The following DAB1 variants were observed in gnomAD, a reference collection of about 807,000 sequenced individuals.
DAB1 encodes disabled homolog 1.
In DAB1, 15 loss-of-function variants were observed where a neutral mutation model predicts 64.6. The ratio of observed to expected loss-of-function variants is 0.23; its 90% CI spans 0.16 to 0.36. DAB1 has a LOEUF of 0.36. Ranked by LOEUF, DAB1 falls within the 10% of genes least tolerant of loss-of-function variation. The pLI, the probability that DAB1 is intolerant of heterozygous loss-of-function variation, is 1.00. For missense variants in DAB1, 596 were observed against 706.7 expected (o/e 0.84, Z 1.78); for synonymous variants, 235 against 251.9 (o/e 0.93, Z 0.64).
intron 4 of DAB1, among the ~76,000 whole-genome samples, chr1:58,266,119 T>C (rs949069308): frequency 6.6e-6 from 1 of 151,638 alleles, no homozygotes; most frequent in Non-Finnish European, 1.5e-5. Flanking sequence ...AATGTGAGCT[T>C]GACAGGGCTA....
intron 5 of DAB1, among the ~76,000 whole-genome samples, chr1:57,939,179 C>G (rs945056735): frequency 6.6e-6 from 1 of 152,074 alleles, no homozygotes; most frequent in Non-Finnish European, 1.5e-5. Context: ...CATATTCTCA[C>G]ATGGCAGAGA....
In DAB1 at chr1:57,438,299, T is replaced by C. The variant is rs549581264; in HGVS notation, n.626-147133A>G. 8.5e-5 allele frequency among the ~76,000 whole-genome samples: 13 copies of C among 152,246 alleles called. No individual in the cohort carries two copies. In the South Asian group the frequency reaches 2.7e-3, roughly 32 times the overall value. Reference sequence around the variant, plus strand: ...TTCCCTCAGTGTGATTCCTGTTAAATGCAAGGCGTTCATACTGAGAGCTAG... The same window carrying C: ...TTCCCTCAGTGTGATTCCTGTTAAACGCAAGGCGTTCATACTGAGAGCTAG... On this transcript the variant is annotated intron_variant and non_coding_transcript_variant, in intron 7 of 20. Coordinates refer to the DAB1 transcript ENST00000485760.
chr1:57,147,785 A>C lies in DAB1; in HGVS notation c.68-2356T>G, dbSNP rs1241329251. ...AGCATATTATATGCATCAACTTGTT[A>C]AGTCCAGAAAATAATTGTAGAGGTA... On this transcript the variant is annotated intron_variant, in intron 2 of 14. Coordinates refer to ENST00000371236, the MANE Select transcript of DAB1 (RefSeq NM_001365792.1). Among the ~76,000 whole-genome samples, 5 of 152,308 alleles carry C rather than the reference A, an allele frequency of 3.3e-5. No individual in the cohort carries two copies. The East Asian group carries it at 7.7e-4, about 23-fold the overall frequency.
chr1:58,081,352 G>GT (rs1649985682), intron 5 of DAB1, among the ~76,000 whole-genome samples: 1 of 152,174 alleles, frequency 6.6e-6, no homozygotes, highest in Admixed American at 6.5e-5. Context: ...TCTTTGTTTT[G>GT]TTTTTTGCTG....
chr1:57,773,986 T>C (rs949230692), intron 6 of DAB1, among the ~76,000 whole-genome samples: 2 of 152,016 alleles, frequency 1.3e-5, no homozygotes, highest in African/African-American at 4.8e-5. Flanking sequence ...TTAGGTCTTT[T>C]GCATTTTTCA....
At position 58,447,857 on chromosome 1, in the gene DAB1, C is replaced by CAAAAA. The variant is rs67071278; in HGVS notation, n.257+58198_257+58202dup. On this transcript the variant is annotated intron_variant and non_coding_transcript_variant, in intron 3 of 20. Transcript: ENST00000485760. Reference sequence around the variant, plus strand: ...TTAACTCAACTAAAAATGACTTAAACAAAAAAAAAAAAAAAGTCTTATGCA... The same window carrying CAAAAA: ...TTAACTCAACTAAAAATGACTTAAACAAAAAAAAAAAAAAAAAAAAGTCTTATGCA... Among the ~76,000 whole-genome samples the CAAAAA allele has an allele frequency of 5.2e-4, 23 of 44,004 alleles. 1 individual carries two copies. Among genetic ancestry groups the CAAAAA allele is most frequent in the African/African-American group, 1.1e-3 (22 of 20,424 alleles). 28.9% of individuals were successfully genotyped at this position (44,004 alleles called of 152,430 possible). A position where few individuals can be genotyped will look rare whatever the true frequency, so the allele number is the denominator to read the frequency against.
intron 6 of DAB1, among the ~76,000 whole-genome samples, chr1:57,810,400 A>T (rs1211295952): frequency 2.0e-5 from 3 of 152,140 alleles, no homozygotes; most frequent in Non-Finnish European, 4.4e-5. Flanking sequence ...AAAATTAGCC[A>T]AGTGAACAAA....
intron 1 of DAB1, among the ~76,000 whole-genome samples, chr1:57,293,119 G>A (rs1349406422): frequency 6.6e-6 from 1 of 152,064 alleles, no homozygotes; most frequent in African/African-American, 2.4e-5. Flanking sequence ...AACCAAACCA[G>A]TAAAAGGAGG....
rs548574113 is a variant in DAB1 at position 57,112,923 on chromosome 1, T to A, written c.306+23620A>T. On this transcript the variant is annotated intron_variant, in intron 4 of 14. Coordinates refer to ENST00000371236, the MANE Select transcript of DAB1 (RefSeq NM_001365792.1). ...CAAATATACATTCAATCAATTACAATACAATTCTAAGTGAATGTTGGAGAC... is the reference window on the plus strand; with the variant it reads ...CAAATATACATTCAATCAATTACAAAACAATTCTAAGTGAATGTTGGAGAC... Among the ~76,000 whole-genome samples, 7 of 152,172 alleles carry A rather than the reference T, an allele frequency of 4.6e-5. No homozygotes were observed. The East Asian group carries it at 1.4e-3, about 29-fold the overall frequency.
rs71051238 is a variant in DAB1, at chr1:57,553,473, AAAGGAAGG to A, written n.625+96111_625+96118del. ...GAAAGAAAGAAAGAGAAAGGGAAAG[AAAGGAAGG>A]AAGGAAGGAAGGAAGGAAGGAAGGA... On this transcript the variant is annotated intron_variant and non_coding_transcript_variant, in intron 7 of 20. Coordinates refer to the DAB1 transcript ENST00000485760. Among the ~76,000 whole-genome samples, 89 of 25,650 alleles carry A rather than the reference AAAGGAAGG, an allele frequency of 3.5e-3. 4 individuals carry two copies. The highest frequency in any genetic ancestry group is 0.083 in the Middle Eastern group (1 of 12). The allele number at this position is 25,650 out of a possible 152,430, so 16.8% of individuals were successfully genotyped here.
intron 1 of DAB1, among the ~76,000 whole-genome samples, chr1:57,396,608 A>C (rs901577762): frequency 6.6e-6 from 1 of 152,232 alleles, no homozygotes; most frequent in Admixed American, 6.5e-5. Context: ...GAGGTTAAGA[A>C]TATGAGTTTT....
intron 4 of DAB1, among the ~76,000 whole-genome samples, chr1:57,090,966 T>C (rs1653613249): frequency 6.6e-6 from 1 of 152,140 alleles, no homozygotes; most frequent in South Asian, 2.1e-4. Context: ...TACGAGAATC[T>C]AATGCTTGAT....
chr1:57,206,982 T>TTTTTTTTTTTTTTTTTTTC (rs1665605730), intron 2 of DAB1, among the ~76,000 whole-genome samples: 1 of 144,278 alleles, frequency 6.9e-6, no homozygotes, highest in Non-Finnish European at 1.5e-5. Flanking sequence ...TTTTTTTTTT[T>TTTTTTTTTTTTTTTTTTTC]TTTTTTTTGG....
intron 1 of DAB1, among the ~76,000 whole-genome samples, chr1:57,855,835 T>C (rs923412140): frequency 6.6e-6 from 1 of 152,118 alleles, no homozygotes; most frequent in African/African-American, 2.4e-5. Context: ...TTGAAATTAT[T>C]ACTTTGACTG....
intron 6 of DAB1, among the ~76,000 whole-genome samples, chr1:57,674,455 C>T (rs1019744470): frequency 2.0e-5 from 3 of 152,164 alleles, no homozygotes; most frequent in African/African-American, 7.2e-5. Flanking sequence ...ATCTTATTTA[C>T]TTGTCCAACT....
intron 6 of DAB1, among the ~76,000 whole-genome samples, chr1:57,684,892 G>T (rs148095304): frequency 1.8e-4 from 28 of 152,144 alleles, no homozygotes; most frequent in African/African-American, 6.7e-4. Context: ...AAAGTAAAAA[G>T]GTGGAGAAAG....
intron 1 of DAB1, among the ~76,000 whole-genome samples, chr1:57,395,178 C>T (rs983941099): frequency 6.6e-6 from 1 of 152,120 alleles, no homozygotes; most frequent in African/African-American, 2.4e-5. Flanking sequence ...GTGTGTGCGA[C>T]CACGCTCAGC....
intron 7 of DAB1, among the ~76,000 whole-genome samples, chr1:57,623,923 T>C (rs1294587551): frequency 1.3e-5 from 2 of 152,184 alleles, no homozygotes; most frequent in Non-Finnish European, 2.9e-5. Context: ...GAATTCATGC[T>C]ATGCACTAAC....
intron 4 of DAB1, among the ~76,000 whole-genome samples, chr1:58,258,396 G>C (rs1660980925): frequency 6.6e-6 from 1 of 152,234 alleles, no homozygotes; most frequent in Admixed American, 6.5e-5. Context: ...AGGTCTAGCT[G>C]GGAGCTTCCT....
Sources: gnomAD v4.1 joint callset for allele counts (sites outside exome capture counted in the v4.1 genomes callset) on GRCh38, gnomAD v4.1.1 for gene constraint, MANE v1.5 for transcripts, NCBI Gene and HGNC (gene_info 2026-07-23, HGNC 2026-07-21) for gene names.